RASSF3: variants seen among roughly 807,000 people sequenced by gnomAD.
RASSF3 encodes Ras association domain family member 3, also known as ras association domain-containing protein 3.
In RASSF3, 19 loss-of-function variants were observed where a neutral mutation model predicts 19.9. The observed-to-expected ratio is 0.96, with a 90% CI of 0.67 to 1.40. The LOEUF (loss-of-function observed/expected upper bound fraction) is 1.40. Among genes scored for constraint, RASSF3 ranks in the 40% most tolerant of loss-of-function variants. The probability of loss-of-function intolerance (pLI) is 0.00; values close to 1 mark genes in which losing one functional copy is unlikely to be tolerated. For missense variants in RASSF3, 306 were observed against 289.8 expected (o/e 1.06, Z -0.41); for synonymous variants, 110 against 104.2 (o/e 1.06, Z -0.34).
chr12:64,643,183 G>A (rs1031401634), intron 1 of RASSF3, among the ~76,000 whole-genome samples: 1 of 150,930 alleles, frequency 6.6e-6, no homozygotes, highest in African/African-American at 2.4e-5. Flanking sequence ...GTTTCTTAAT[G>A]CAATTGTTAA....
At chr12:64,626,083 A>G (rs1870980505) in intron 1 of RASSF3, among the ~76,000 whole-genome samples, 1 of 152,142 alleles carries the variant, frequency 6.6e-6, no homozygotes, top group Non-Finnish European at 1.5e-5. Context: ...TAATAATTCC[A>G]AATGCCACTG....
intron 1 of RASSF3, among the ~76,000 whole-genome samples, chr12:64,644,949 C>T (rs559837717): frequency 5.3e-5 from 8 of 151,902 alleles, no homozygotes; most frequent in African/African-American, 1.9e-4. Context: ...TGCCGTGTGC[C>T]AGTAGTCCCA....
At chr12:64,561,295 G>A (rs1043154967) in intron 2 of RASSF3, among the ~76,000 whole-genome samples, 9 of 152,188 alleles carry the variant, frequency 5.9e-5, no homozygotes, top group African/African-American at 1.2e-4. Context: ...ATGATTTCAC[G>A]TGATGTCTTC....
intron 1 of RASSF3, among the ~76,000 whole-genome samples, chr12:64,514,825 A>T (rs1269372412): frequency 6.6e-6 from 1 of 152,194 alleles, no homozygotes; most frequent in African/African-American, 2.4e-5. Context: ...TGAGAGAAAG[A>T]AACATTAGCA....
At chr12:64,568,273 T>C (rs1405411722) in intron 2 of RASSF3, among the ~76,000 whole-genome samples, 1 of 152,196 alleles carries the variant, frequency 6.6e-6, no homozygotes, top group East Asian at 1.9e-4. Flanking sequence ...CCTCAGATGA[T>C]CCACCTGCCT....
At chr12:64,544,611 C>G (rs1470109929), downstream of RASSF3, among the ~76,000 whole-genome samples, 1 of 131,142 alleles carries the variant, frequency 7.6e-6, no homozygotes, top group East Asian at 2.9e-4. Flanking sequence ...GAGTGAGACC[C>G]TGTCTCAAAA....
chr12:64,584,296 A>C (rs1215352305), intron 2 of RASSF3, among the ~76,000 whole-genome samples: 1 of 152,150 alleles, frequency 6.6e-6, no homozygotes, highest in African/African-American at 2.4e-5. Flanking sequence ...ACAAACCTTG[A>C]ACATTTAATT....
intron 1 of RASSF3, among the ~76,000 whole-genome samples, chr12:64,620,874 A>G (rs1340416778): frequency 6.6e-6 from 1 of 152,198 alleles, no homozygotes; most frequent in African/African-American, 2.4e-5. Context: ...AAATAGAGAA[A>G]AAAAACTTCA....
intron 1 of RASSF3, among the ~76,000 whole-genome samples, chr12:64,659,390 C>T (rs1391708988): frequency 1.3e-5 from 2 of 152,062 alleles, no homozygotes; most frequent in African/African-American, 2.4e-5. Context: ...CAGAGCAAAC[C>T]GACAAACATG....
At chr12:64,517,923 C>T (rs1280399191) in intron 1 of RASSF3, among the ~76,000 whole-genome samples, 7 of 152,048 alleles carry the variant, frequency 4.6e-5, no homozygotes, top group Non-Finnish European at 1.0e-4. Context: ...CAGCTGCACA[C>T]TCACTTTATA....
At chr12:64,634,918 A>C (rs1044224327) in intron 1 of RASSF3, among the ~76,000 whole-genome samples, 2 of 151,480 alleles carry the variant, frequency 1.3e-5, no homozygotes, top group African/African-American at 4.8e-5. Flanking sequence ...TGGTGCAAAA[A>C]ATTTTTCAAA....
chr12:64,546,436 A>G (rs1869064715), downstream of RASSF3, among the ~76,000 whole-genome samples: 1 of 151,842 alleles, frequency 6.6e-6, no homozygotes, highest in South Asian at 2.1e-4. Flanking sequence ...ACGCCCAGCT[A>G]GTTTTTTGTA....
intron 1 of RASSF3, among the ~76,000 whole-genome samples, chr12:64,510,667 A>G (rs1868322973): frequency 6.6e-6 from 1 of 152,212 alleles, no homozygotes. Flanking sequence ...AGTTACATCA[A>G]GGCATGATTT....
intron 1 of RASSF3, among the ~76,000 whole-genome samples, chr12:64,518,221 C>T (rs182191078): frequency 4.1e-4 from 63 of 152,242 alleles, no homozygotes; most frequent in Non-Finnish European, 2.2e-4. Context: ...GTTGGCAGAA[C>T]GCTCACTGCT....
intron 4 of RASSF3, 73 bp from the exon 5 acceptor site, chr12:64,694,690 G>A (rs575945254): frequency 1.1e-4 from 176 of 1,539,912 alleles, no homozygotes; most frequent in Non-Finnish European, 1.5e-4. Flanking sequence ...ACCTCTGGGA[G>A]CTCCTGGTCA....
Position 64,610,538 on chromosome 12 carries a change from C to G in RASSF3, c.-95C>G. 2.1e-6 allele frequency: 1 copy of G among 481,636 alleles called. No homozygotes were observed. Among genetic ancestry groups the G allele is most frequent in the East Asian group, 4.3e-5 (1 of 23,518 alleles). 29.8% of individuals were successfully genotyped at this position (481,636 alleles called of 1,614,324 possible). A position where few individuals can be genotyped will look rare whatever the true frequency, so the allele number is the denominator to read the frequency against. On this transcript the variant is annotated 5_prime_UTR_variant, in exon 1 of 5. Coordinates refer to ENST00000542104, the MANE Select transcript of RASSF3 (RefSeq NM_178169.4). ...GCTGCATAAGGACTGCCCGGGGCTG[C>G]GCGCCGGGAACCTCGCGGGGCTGGC...
At chr12:64,590,037 CA>C (rs1446749373) in intron 2 of RASSF3, among the ~76,000 whole-genome samples, 5 of 142,164 alleles carry the variant, frequency 3.5e-5, no homozygotes, top group Non-Finnish European at 7.6e-5. Context: ...CTGAGACCAG[CA>C]TGAGCAAAGT....
intron 1 of RASSF3, among the ~76,000 whole-genome samples, chr12:64,624,913 C>A (rs990948006): frequency 1.3e-5 from 2 of 150,530 alleles, no homozygotes; most frequent in Admixed American, 1.3e-4. Context: ...GCGATCTGCC[C>A]GCCTCGGCCT....
intron 2 of RASSF3, among the ~76,000 whole-genome samples, chr12:64,556,628 TCA>T (rs1869260801): frequency 6.6e-6 from 1 of 152,000 alleles, no homozygotes; most frequent in Admixed American, 6.6e-5. Flanking sequence ...GCCGGGGCCA[TCA>T]GTCAGTTATG....
Sources: allele counts gnomAD v4.1 joint callset (sites outside exome capture counted in the v4.1 genomes callset), GRCh38; gene constraint gnomAD v4.1.1; transcripts MANE v1.5; gene names NCBI Gene and HGNC (gene_info 2026-07-23, HGNC 2026-07-21).